Variants in FMN1 observed in about 807,000 individuals in gnomAD.
FMN1 encodes the protein formin-1.
In FMN1, 110 loss-of-function variants were observed where a neutral mutation model predicts 132.4. That is an observed-to-expected ratio of 0.83 (90% CI 0.71 to 0.97). FMN1 has a LOEUF of 0.97. Ranked by LOEUF, FMN1 falls within the 50% of genes least tolerant of loss-of-function variation. The pLI is 0.00. For missense variants in FMN1, 1,792 were observed against 1,705.3 expected, an observed-to-expected ratio of 1.05 and a Z score of -0.90; for synonymous variants, 722 against 651.7, an observed-to-expected ratio of 1.11 and a Z score of -1.64.
At chr15:32,859,997 T>C (rs1230742815) in intron 16 of FMN1, among the ~76,000 whole-genome samples, 1 of 151,670 alleles carries the variant, frequency 6.6e-6, no homozygotes, top group Non-Finnish European at 1.5e-5. Flanking sequence ...ACCATTGTAC[T>C]CTGGCCTGGG....
intron 9 of FMN1, among the ~76,000 whole-genome samples, chr15:32,962,250 A>G (rs1049628686): frequency 2.0e-5 from 3 of 152,322 alleles, no homozygotes; most frequent in African/African-American, 7.2e-5. Flanking sequence ...GCCACTAGGC[A>G]TAAGAACAAA....
At chr15:32,911,296 C>A (rs1177528832) in intron 10 of FMN1, among the ~76,000 whole-genome samples, 1 of 152,136 alleles carries the variant, frequency 6.6e-6, no homozygotes, top group Non-Finnish European at 1.5e-5. Context: ...ATAAGCAGGT[C>A]CACATCTTTA....
intron 16 of FMN1, among the ~76,000 whole-genome samples, chr15:32,884,023 C>A (rs1441706254): frequency 6.6e-6 from 1 of 152,114 alleles, no homozygotes; most frequent in African/African-American, 2.4e-5. Context: ...ATAGTTTCAG[C>A]AATGCTGCAC....
chr15:32,774,771 TCAACTTGGCAGA>T (rs754474709), intron 20 of FMN1, among the ~76,000 whole-genome samples: 23,022 of 152,058 alleles, frequency 0.15, 1,894 homozygotes, highest in African/African-American at 0.21. Context: ...TTTCCAATGA[TCAACTTGGCAGA>T]ACTCAACAAA....
At position 33,154,120 on chromosome 15, in the gene FMN1, T is replaced by A. The variant is rs1002208474; in HGVS notation, c.795A>T (p.Glu265Asp). 1.3e-6 allele frequency: 2 copies of A among 1,536,138 alleles called. No individual in the cohort carries two copies. Among genetic ancestry groups the A allele is most frequent in the African/African-American group, 2.7e-5 (2 of 73,026 alleles). The change falls in exon 4 of 21, where the codon GAA becomes GAT. Residue 265 changes from glutamate (E) to aspartate (D), a missense_variant. By Grantham distance (45) the Glu-to-Asp change is conservative. Coordinates refer to ENST00000616417, the MANE Select transcript of FMN1 (RefSeq NM_001277313.2). ...TGGAGCTGCAGTCAGGGGGCAGCACTTCTCTTCCAAGCCCAGTGTCCTTGA... is the reference window on the plus strand; with the variant it reads ...TGGAGCTGCAGTCAGGGGGCAGCACATCTCTTCCAAGCCCAGTGTCCTTGA... ...TAFKDTGLGR[E>D]VLPPDCSSTE...
chr15:33,165,115 T>TAA (rs1179487459), intron 3 of FMN1, among the ~76,000 whole-genome samples: 1 of 152,234 alleles, frequency 6.6e-6, no homozygotes, highest in Admixed American at 6.5e-5. Context: ...GTTGAACATT[T>TAA]AAGGCTTTAC....
chr15:33,048,644 A>AAAAAAAAAAAAAAAAAAAAAACAAAAAC, intron 6 of FMN1, among the ~76,000 whole-genome samples: 35 of 86,920 alleles, frequency 4.0e-4, no homozygotes, highest in African/African-American at 7.0e-4. Context: ...AAAAAAAAAA[A>AAAAAAAAAAAAAAAAAAAAAACAAAAAC]AAAAACCAAC....
chr15:32,839,537 A>G (rs2058700360), intron 17 of FMN1, among the ~76,000 whole-genome samples: 1 of 152,136 alleles, frequency 6.6e-6, no homozygotes, highest in African/African-American at 2.4e-5. Context: ...TAGCCAGGAA[A>G]TGCTTATGGT....
chr15:33,100,529 T>C lies in FMN1; in HGVS notation c.1868-11555A>G, dbSNP rs547110431. ...AGGAAAGGGAGGAGGAGGGGAGGGG[T>C]CAAGATGGGGAGAGGGAAAAAGAGG... On this transcript the variant is annotated intron_variant, in intron 4 of 20. Transcript: ENST00000616417. 6.6e-5 allele frequency among the ~76,000 whole-genome samples: 10 copies of C among 151,732 alleles called. No homozygotes were observed. The South Asian group carries it at 2.1e-3, about 32-fold the overall frequency.
At chr15:32,900,252 G>C (rs562969280) in intron 13 of FMN1, 127 bp from the exon 14 acceptor site, 3 of 993,174 alleles carry the variant, frequency 3.0e-6, no homozygotes, top group Non-Finnish European at 4.7e-6. Context: ...ATTAACAGTT[G>C]CTGAAATGAA....
intron 4 of FMN1, among the ~76,000 whole-genome samples, chr15:33,134,032 C>T (rs952063852): frequency 2.6e-5 from 4 of 152,162 alleles, no homozygotes; most frequent in African/African-American, 7.2e-5. Flanking sequence ...TCGCTCACTG[C>T]AGCCTTGAAC....
rs897259915 is a variant in FMN1, at chr15:32,809,232, G to T, written c.3929-4900C>A. Among the ~76,000 whole-genome samples the T allele has an allele frequency of 2.0e-5, 3 of 152,210 alleles. No individual in the cohort carries two copies. In the South Asian group the frequency reaches 6.2e-4, roughly 32 times the overall value. Reference sequence around the variant, plus strand: ...TACCAAATAAAAGACAATGATACAGGAGTCTTTTTTTGAGAGGTTAAGTTT... The same window carrying T: ...TACCAAATAAAAGACAATGATACAGTAGTCTTTTTTTGAGAGGTTAAGTTT... On this transcript the variant is annotated intron_variant, in intron 17 of 20. Transcript: ENST00000616417.
intron 17 of FMN1, among the ~76,000 whole-genome samples, chr15:32,838,509 C>T (rs571708075): frequency 2.6e-5 from 4 of 152,156 alleles, no homozygotes; most frequent in Non-Finnish European, 4.4e-5. Context: ...CAGCAGCAGC[C>T]GTGGGGTTAC....
At chr15:33,098,688 TAA>T (rs1341956147) in intron 4 of FMN1, among the ~76,000 whole-genome samples, 1 of 152,114 alleles carries the variant, frequency 6.6e-6, no homozygotes, top group African/African-American at 2.4e-5. Flanking sequence ...AAAGAGCAGG[TAA>T]AAGAGTAACA....
chr15:32,969,106 C>T lies in FMN1; in HGVS notation c.2595G>A (p.Gln865=), dbSNP rs2031541408. 3 of 1,612,502 alleles carry T rather than the reference C, an allele frequency of 1.9e-6. No homozygotes were observed. The highest frequency in any genetic ancestry group is 1.7e-6 in the Non-Finnish European group (2 of 1,179,000). The change falls in exon 8 of 21, where the codon CAG becomes CAA. Residue 865 remains glutamine, a synonymous_variant. Transcript: ENST00000616417. ...QPMEGMASNQ[Q]KALPPPPASI... The stretch of plus-strand genomic sequence containing the variant: ...ATGCGGGAGGCGGAGGCAATGCCTT[C>T]TGCTGATTTGATGCCATGCCCTCCA...
At position 33,040,100 on chromosome 15, in the gene FMN1, G is replaced by A. The variant is rs546219976; in HGVS notation, c.2161+24857C>T. Among the ~76,000 whole-genome samples, 7 of 152,278 alleles carry A rather than the reference G, an allele frequency of 4.6e-5. No individual in the cohort carries two copies. The South Asian group carries it at 1.0e-3, about 23-fold the overall frequency. On this transcript the variant is annotated intron_variant, in intron 6 of 20. Coordinates refer to ENST00000616417, the MANE Select transcript of FMN1 (RefSeq NM_001277313.2). The stretch of plus-strand genomic sequence containing the variant: ...CAATCTACAGGCATAATGCCCTTGT[G>A]TATCATTTGCTTTGTCTCATGTATA...
At chr15:32,848,757 C>A (rs944097741) in intron 17 of FMN1, among the ~76,000 whole-genome samples, 1 of 152,136 alleles carries the variant, frequency 6.6e-6, no homozygotes, top group African/African-American at 2.4e-5. Flanking sequence ...AAGAGGTACT[C>A]ACTGGTTAAA....
At chr15:32,962,162 C>G (rs2030641928) in intron 9 of FMN1, among the ~76,000 whole-genome samples, 1 of 151,452 alleles carries the variant, frequency 6.6e-6, no homozygotes, top group African/African-American at 2.4e-5. Context: ...CAACACATAC[C>G]AATGCTTAAG....
At chr15:33,120,096 C>G (rs995005616) in intron 4 of FMN1, among the ~76,000 whole-genome samples, 1 of 152,146 alleles carries the variant, frequency 6.6e-6, no homozygotes, top group African/African-American at 2.4e-5. Flanking sequence ...GTTAAAGGCA[C>G]AGTTTGATTC....
Sources: gnomAD v4.1 joint callset for allele counts (sites outside exome capture counted in the v4.1 genomes callset) on GRCh38, gnomAD v4.1.1 for gene constraint, MANE v1.5 for transcripts, NCBI Gene and HGNC (gene_info 2026-07-23, HGNC 2026-07-21) for gene names.